The following NEGR1 variants were observed in gnomAD, a reference collection of about 807,000 sequenced individuals.
The protein encoded by NEGR1 is neuronal growth regulator 1.
NEGR1 carries 10 observed loss-of-function variants against 40.9 expected under a neutral mutation model. That is an observed-to-expected ratio of 0.24 (90% CI 0.15 to 0.42). NEGR1 has a LOEUF of 0.42. Ranked by LOEUF, NEGR1 falls within the 10% of genes least tolerant of loss-of-function variation. NEGR1 has a pLI of 1.00. For synonymous variants in NEGR1, 185 were observed against 166.8 expected, an observed-to-expected ratio of 1.11 and a Z score of -0.84; for missense variants, 352 against 438.9, an observed-to-expected ratio of 0.80 and a Z score of 1.77.
chr1:71,478,501 C>A (rs903065523), intron 6 of NEGR1, among the ~76,000 whole-genome samples: 5 of 151,948 alleles, frequency 3.3e-5, no homozygotes, highest in South Asian at 2.1e-4. Context: ...TCTTAGTGGC[C>A]GTCTCTTTCT....
intron 4 of NEGR1, among the ~76,000 whole-genome samples, chr1:71,676,262 T>C (rs1652634165): frequency 6.6e-6 from 1 of 152,124 alleles, no homozygotes; most frequent in African/African-American, 2.4e-5. Context: ...AGAAAAATGT[T>C]CTTCTATTAT....
chr1:72,004,664 CA>C (rs1319523275), intron 1 of NEGR1, among the ~76,000 whole-genome samples: 1 of 152,096 alleles, frequency 6.6e-6, no homozygotes, highest in Non-Finnish European at 1.5e-5. Flanking sequence ...GTCACAGTCA[CA>C]CACATATATA....
intron 1 of NEGR1, among the ~76,000 whole-genome samples, chr1:71,941,211 C>A (rs755366444): frequency 1.3e-5 from 2 of 152,044 alleles, no homozygotes; most frequent in Non-Finnish European, 2.9e-5. Flanking sequence ...CCCATAAAAT[C>A]TCCATGCTGA....
intron 6 of NEGR1, among the ~76,000 whole-genome samples, chr1:71,572,170 A>C (rs1570048046): frequency 6.6e-6 from 1 of 152,304 alleles, no homozygotes; most frequent in Admixed American, 6.5e-5. Context: ...CAAGCCATCT[A>C]AGCATTGGTG....
In NEGR1 at chr1:71,719,514, A is replaced by T. The variant is rs538411860; in HGVS notation, c.536-21375T>A. On this transcript the variant is annotated intron_variant, in intron 3 of 6. Coordinates refer to ENST00000357731, the MANE Select transcript of NEGR1 (RefSeq NM_173808.3). ...TAAGAATGGATGCAAAGCAATTTTTATCATTATCTTCTGGTGACGTCACAC... is the reference window on the plus strand; with the variant it reads ...TAAGAATGGATGCAAAGCAATTTTTTTCATTATCTTCTGGTGACGTCACAC... Among the ~76,000 whole-genome samples the T allele has an allele frequency of 2.0e-5, 3 of 152,256 alleles. No homozygotes were observed. In the South Asian group the frequency reaches 6.2e-4, roughly 32 times the overall value.
chr1:71,559,731 T>C (rs1648380993), intron 6 of NEGR1, among the ~76,000 whole-genome samples: 1 of 151,504 alleles, frequency 6.6e-6, no homozygotes, highest in Admixed American at 6.6e-5. Context: ...TCACTCTAGA[T>C]GGAATATACT....
At chr1:71,768,347 T>G (rs1656201754) in intron 3 of NEGR1, among the ~76,000 whole-genome samples, 1 of 152,174 alleles carries the variant, frequency 6.6e-6, no homozygotes, top group Non-Finnish European at 1.5e-5. Flanking sequence ...GCCCTGATTG[T>G]GAGACATGGA....
At position 71,644,880 on chromosome 1, in the gene NEGR1, C is replaced by A. The variant is rs533326457; in HGVS notation, c.668-33734G>T. 2.0e-5 allele frequency among the ~76,000 whole-genome samples: 3 copies of A among 151,978 alleles called. No homozygotes were observed. In the East Asian group the frequency reaches 5.8e-4, roughly 29 times the overall value. ...TTCAATAACTTCCCCAGGCTACTAT[C>A]TGTTCACATGTTTATTATAAATGAA... On this transcript the variant is annotated intron_variant, in intron 4 of 6. Transcript: ENST00000357731.
Position 72,146,268 on chromosome 1 carries a change from G to A in NEGR1, c.176+136051C>T, listed in dbSNP as rs370632697. Among the ~76,000 whole-genome samples the A allele has an allele frequency of 9.2e-5, 14 of 152,278 alleles. No homozygotes were observed. The South Asian group carries it at 2.9e-3, about 32-fold the overall frequency. On this transcript the variant is annotated intron_variant, in intron 1 of 6. Coordinates refer to ENST00000357731, the MANE Select transcript of NEGR1 (RefSeq NM_173808.3). ...ACAACATCTTAAGTGGAGCCAGAAA[G>A]CCTGCCATCGTCTGTTGTTGTTTAA... is the stretch of plus-strand genomic sequence containing the variant.
intron 1 of NEGR1, among the ~76,000 whole-genome samples, chr1:72,095,700 A>G (rs1193087149): frequency 6.6e-6 from 1 of 152,108 alleles, no homozygotes; most frequent in Non-Finnish European, 1.5e-5. Flanking sequence ...GTAATTCTCT[A>G]TTATTTCAAT....
rs34592789 is a variant in NEGR1, at chr1:71,873,118, C to CAAAAAAAAAAAAAA, written c.409+61947_409+61960dup. On this transcript the variant is annotated intron_variant, in intron 2 of 6. Coordinates refer to ENST00000357731, the MANE Select transcript of NEGR1 (RefSeq NM_173808.3). Reference sequence around the variant, plus strand: ...TGAAATTGAATCCCTAAAGATGTAGCAAAAAAAAAAAAAAAAAAAAAGACA... The same window carrying CAAAAAAAAAAAAAA: ...TGAAATTGAATCCCTAAAGATGTAGCAAAAAAAAAAAAAAAAAAAAAAAAAAAAAAAAAAAGACA... 2.0e-4 allele frequency among the ~76,000 whole-genome samples: 16 copies of CAAAAAAAAAAAAAA among 81,812 alleles called. 1 individual carries two copies. Among genetic ancestry groups the CAAAAAAAAAAAAAA allele is most frequent in the East Asian group, 3.7e-4 (1 of 2,726 alleles). 53.7% of individuals were successfully genotyped at this position (81,812 alleles called of 152,430 possible).
Position 71,592,834 on chromosome 1 carries a change from G to C in NEGR1, c.923C>G (p.Ala308Gly). The C allele has an allele frequency of 6.2e-7, 1 of 1,612,590 alleles. No individual in the cohort carries two copies. The highest frequency in any genetic ancestry group is 1.3e-5 in the African/African-American group (1 of 75,014). Residue 308 changes from alanine (A) to glycine (G), a missense_variant, in exon 6 of 7, where the codon GCG (alanine) becomes GGG (glycine). Coordinates refer to ENST00000357731, the MANE Select transcript of NEGR1 (RefSeq NM_173808.3). ...TTACTTACGGTTAAGAGGCAGGCTCGCATTGGTTGTGCCTAGCTTGTTGGC... is the reference window on the plus strand; with the variant it reads ...TTACTTACGGTTAAGAGGCAGGCTCCCATTGGTTGTGCCTAGCTTGTTGGC... ...VAANKLGTTN[A>G]SLPLNPPSTA... is the part of the protein sequence containing the mutation.
chr1:71,578,048 G>C (rs369158168), intron 6 of NEGR1, among the ~76,000 whole-genome samples: 15 of 152,146 alleles, frequency 9.9e-5, no homozygotes, highest in Admixed American at 8.5e-4. Context: ...TGATCTTACA[G>C]GAGCCATACT....
intron 3 of NEGR1, among the ~76,000 whole-genome samples, chr1:71,737,674 C>T (rs927216427): frequency 2.0e-5 from 3 of 152,006 alleles, no homozygotes; most frequent in South Asian, 4.2e-4. Flanking sequence ...GTAACCAATA[C>T]GGATATAACA....
At chr1:71,910,277 C>T (rs758873421) in intron 2 of NEGR1, among the ~76,000 whole-genome samples, 2 of 152,142 alleles carry the variant, frequency 1.3e-5, no homozygotes, top group Non-Finnish European at 2.9e-5. Flanking sequence ...TGCGAGCAAG[C>T]AACTGTTGTA....
intron 2 of NEGR1, among the ~76,000 whole-genome samples, chr1:71,902,720 C>T (rs928433044): frequency 1.3e-5 from 2 of 152,068 alleles, no homozygotes; most frequent in African/African-American, 4.8e-5. Flanking sequence ...AAGGTCACCA[C>T]AAGTTGAATC....
intron 1 of NEGR1, among the ~76,000 whole-genome samples, chr1:72,051,034 T>C (rs1346401274): frequency 1.3e-5 from 2 of 151,518 alleles, no homozygotes; most frequent in Non-Finnish European, 3.0e-5. Context: ...TCGACCCCAC[T>C]AAACTTTCCA....
chr1:71,935,167 A>G lies in NEGR1; in HGVS notation c.321T>C (p.Asn107=), dbSNP rs1245531523. ...ATGGGCCATCATCTGTCACATCTAC[A>G]TTCTGTATCTGGAGGCTGTAGTCCC... ...NKRDYSLQIQ[N]VDVTDDGPYT... The change falls in exon 2 of 7, where the codon AAT becomes AAC. Residue 107 remains asparagine, a synonymous_variant. Coordinates refer to ENST00000357731, the MANE Select transcript of NEGR1 (RefSeq NM_173808.3). 2 of 1,613,862 alleles carry G rather than the reference A, an allele frequency of 1.2e-6. No individual in the cohort carries two copies. The highest frequency in any genetic ancestry group is 2.7e-5 in the African/African-American group (2 of 75,018).
Position 71,709,524 on chromosome 1 carries a change from A to G in NEGR1, c.536-11385T>C, listed in dbSNP as rs566963246. 1.4e-3 allele frequency among the ~76,000 whole-genome samples: 217 copies of G among 152,320 alleles called. 1 individual carries two copies. Among genetic ancestry groups the G allele is most frequent in the African/African-American group, 5.1e-3 (211 of 41,566 alleles). ...ATGGCACGAGTATGAAAACAGACAC[A>G]TAGAACAATGGAACAGAATAGAGAA... On this transcript the variant is annotated intron_variant, in intron 3 of 6. Transcript: ENST00000357731.
Sources: allele counts gnomAD v4.1 joint callset (sites outside exome capture counted in the v4.1 genomes callset), GRCh38; gene constraint gnomAD v4.1.1; transcripts MANE v1.5; gene names NCBI Gene and HGNC (gene_info 2026-07-23, HGNC 2026-07-21).